Variants in NTRK3 observed in about 807,000 individuals in gnomAD.
NTRK3 encodes NT-3 growth factor receptor.
In NTRK3, 24 loss-of-function variants were observed where a neutral mutation model predicts 91.7. That is an observed-to-expected ratio of 0.26 (90% CI 0.19 to 0.37). The LOEUF (loss-of-function observed/expected upper bound fraction) is 0.37. NTRK3 is among the 10% of genes least tolerant of loss of function. The probability of loss-of-function intolerance (pLI) is 1.00; values close to 1 mark genes in which losing one functional copy is unlikely to be tolerated. For missense variants in NTRK3, 880 were observed against 1,068.9 expected (o/e 0.82, Z 2.46); for synonymous variants, 483 against 404.0 (o/e 1.20, Z -2.34).
At chr15:88,049,269 C>G (rs1314457522) in intron 13 of NTRK3, among the ~76,000 whole-genome samples, 1 of 152,064 alleles carries the variant, frequency 6.6e-6, no homozygotes, top group Non-Finnish European at 1.5e-5. Context: ...CAGTTTATTT[C>G]CCCTAGTTTT....
chr15:88,126,391 C>T lies in NTRK3; in HGVS notation c.1294-18G>A, dbSNP rs990124199. 1.3e-6 allele frequency: 2 copies of T among 1,560,336 alleles called. No homozygotes were observed. Among genetic ancestry groups the T allele is most frequent in the Non-Finnish European group, 1.8e-6 (2 of 1,131,400 alleles). On this transcript the variant is annotated intron_variant, in intron 12 of 18. Transcript: ENST00000394480. The stretch of plus-strand genomic sequence containing the variant: ...ATGGATACCTGTGAGGAACCAGAAA[C>T]AGAGAGTCAGCAACAATCACAGAAA...
chr15:87,875,420 G>C (rs80238370), exon 19 of NTRK3: 1 of 231,880 alleles, frequency 4.3e-6, no homozygotes, highest in African/African-American at 2.2e-5. Context: ...TGATTCCCCA[G>C]TGCTGGGGCA....
At chr15:88,176,285 C>T (rs28731400) in intron 5 of NTRK3, among the ~76,000 whole-genome samples, 2,179 of 151,998 alleles carry the variant, frequency 0.014, 68 homozygotes, top group African/African-American at 0.05. Context: ...TACAGGCAAG[C>T]GCCACCATGC....
chr15:87,938,988 T>C (rs541912575), intron 15 of NTRK3, among the ~76,000 whole-genome samples: 1 of 152,276 alleles, frequency 6.6e-6, no homozygotes, highest in East Asian at 1.9e-4. Context: ...ACTATGCTTA[T>C]TTTGGTAATA....
intron 13 of NTRK3, among the ~76,000 whole-genome samples, chr15:88,072,004 C>CTTTT (rs374364707): frequency 7.5e-6 from 1 of 132,650 alleles, no homozygotes; most frequent in African/African-American, 2.8e-5. Context: ...AATCAAACAT[C>CTTTT]TTTTTTTTTT....
rs183917323 is a variant in NTRK3 at position 88,179,412 on chromosome 15, G to A, written c.395+4006C>T. On this transcript the variant is annotated intron_variant, in intron 5 of 18. Transcript: ENST00000394480. Reference sequence around the variant, plus strand: ...CAGAGCCTCTCTGGGCCTATCTTCCGTGCTGTAAAACAAAGCCACCTACCA... The same window carrying A: ...CAGAGCCTCTCTGGGCCTATCTTCCATGCTGTAAAACAAAGCCACCTACCA... Among the ~76,000 whole-genome samples the A allele has an allele frequency of 2.4e-4, 37 of 152,248 alleles. No homozygotes were observed. The South Asian group carries it at 5.4e-3, about 22-fold the overall frequency.
At chr15:88,035,909 G>C (rs915883356) in intron 13 of NTRK3, among the ~76,000 whole-genome samples, 1 of 152,118 alleles carries the variant, frequency 6.6e-6, no homozygotes, top group African/African-American at 2.4e-5. Flanking sequence ...AAATTTTAAA[G>C]TTAAAGGAGA....
intron 14 of NTRK3, among the ~76,000 whole-genome samples, chr15:88,032,467 C>G (rs745595737): frequency 6.6e-6 from 1 of 152,058 alleles, no homozygotes. Context: ...CTCATGGAGG[C>G]TTGGGTGGAG....
chr15:88,240,767 TA>T lies in NTRK3; in HGVS notation c.248+15138del, dbSNP rs1202202081. Among the ~76,000 whole-genome samples the T allele has an allele frequency of 5.9e-5, 9 of 152,296 alleles. No homozygotes were observed. Among genetic ancestry groups the T allele is most frequent in the African/African-American group, 2.2e-4 (9 of 41,562 alleles). On this transcript the variant is annotated intron_variant, in intron 3 of 18. Transcript: ENST00000394480. The surrounding 1 kb of genome is among the most constrained non-coding windows in gnomAD (Gnocchi z 4.9). ...AAGCGGGTTAAAATAAAAGTCCCCT[TA>T]AAGGAGCCCCCAGAGCAGTCATCAC...
In NTRK3 at chr15:88,256,180, G is replaced by A. The variant is rs752064506; in HGVS notation, c.-15-12C>T. 6.7e-7 allele frequency: 1 copy of A among 1,499,346 alleles called. No homozygotes were observed. The highest frequency in any genetic ancestry group is 9.0e-7 in the Non-Finnish European group (1 of 1,110,868). 92.9% of individuals were successfully genotyped at this position (1,499,346 alleles called of 1,614,324 possible). ...TCCGATCGCTGCTTCTAAAAAAGAG[G>A]AGGAGGAGAGGAGAGGGGGGTGGGG... On this transcript the variant is annotated splice_polypyrimidine_tract_variant and intron_variant, in intron 2 of 18. Transcript: ENST00000394480.
chr15:88,170,702 G>T (rs530875509), intron 5 of NTRK3, among the ~76,000 whole-genome samples: 91 of 152,282 alleles, frequency 6.0e-4, no homozygotes, highest in African/African-American at 2.0e-3. Context: ...ACACCCTCAG[G>T]ACGTAGGCTA....
exon 19 of NTRK3, chr15:87,864,561 AG>A: frequency 4.9e-6 from 1 of 204,018 alleles, no homozygotes; most frequent in Non-Finnish European, 9.8e-6. Flanking sequence ...AGGCTTTAAC[AG>A]TACTGTGAAG....
intron 13 of NTRK3, among the ~76,000 whole-genome samples, chr15:88,085,556 G>C (rs2048424145): frequency 6.6e-6 from 1 of 152,150 alleles, no homozygotes; most frequent in African/African-American, 2.4e-5. Context: ...AGCACATCAG[G>C]AATCAGCCAA....
At chr15:88,140,282 G>T (rs940405400) in intron 6 of NTRK3, among the ~76,000 whole-genome samples, 4 of 152,170 alleles carry the variant, frequency 2.6e-5, no homozygotes, top group African/African-American at 9.7e-5. Context: ...TATAAACACA[G>T]GGTCAACACG....
chr15:88,235,966 T>C lies in NTRK3; in HGVS notation c.248+19940A>G, dbSNP rs2051685200. On this transcript the variant is annotated intron_variant, in intron 3 of 18. Transcript: ENST00000394480. The surrounding 1 kb of genome is among the most constrained non-coding windows in gnomAD (Gnocchi z 5.2). ...TCGATGAGTCACATAAATGTGTCTC[T>C]CCTAACCCAGATTAATCAAAAACAG... 6.6e-6 allele frequency among the ~76,000 whole-genome samples: 1 copy of C among 152,206 alleles called. No individual in the cohort carries two copies. Among genetic ancestry groups the C allele is most frequent in the Non-Finnish European group, 1.5e-5 (1 of 68,052 alleles).
chr15:87,946,025 C>A (rs545606707), intron 14 of NTRK3, among the ~76,000 whole-genome samples: 1 of 152,246 alleles, frequency 6.6e-6, no homozygotes, highest in South Asian at 2.1e-4. Flanking sequence ...AGATGTTTTT[C>A]TTTCCTTTCC....
chr15:88,117,363 G>A (rs2052208321), intron 13 of NTRK3, among the ~76,000 whole-genome samples: 1 of 152,176 alleles, frequency 6.6e-6, no homozygotes, highest in African/African-American at 2.4e-5. Flanking sequence ...AATGTTTGAT[G>A]CCTGTCACTC....
chr15:87,997,335 G>A (rs1343398921), intron 14 of NTRK3, among the ~76,000 whole-genome samples: 1 of 152,126 alleles, frequency 6.6e-6, no homozygotes, highest in African/African-American at 2.4e-5. Flanking sequence ...GAGAGAGAAG[G>A]CGATGAAGCA....
At chr15:88,048,375 G>A (rs1426034707) in intron 13 of NTRK3, among the ~76,000 whole-genome samples, 2 of 152,162 alleles carry the variant, frequency 1.3e-5, no homozygotes, top group African/African-American at 2.4e-5. Context: ...TGAGGATTAT[G>A]GGTAAGGAGA....
Sources: gnomAD v4.1 joint callset for allele counts (sites outside exome capture counted in the v4.1 genomes callset) on GRCh38, gnomAD v4.1.1 for gene constraint, Gnocchi (gnomAD v3.1) non-coding constraint, MANE v1.5 for transcripts, NCBI Gene and HGNC (gene_info 2026-07-23, HGNC 2026-07-21) for gene names.